RAB11FIP3: variants seen among roughly 807,000 people sequenced by gnomAD.
RAB11FIP3 encodes the protein rab11 family-interacting protein 3.
A neutral mutation model predicts 77.8 loss-of-function variants in RAB11FIP3; 17 were observed. That is an observed-to-expected ratio of 0.22 (90% CI 0.15 to 0.33). RAB11FIP3 has a LOEUF of 0.33. Ranked by LOEUF, RAB11FIP3 falls within the 10% of genes least tolerant of loss-of-function variation. The pLI is 1.00. For missense variants in RAB11FIP3, 1,005 were observed against 1,011.2 expected (o/e 0.99, Z 0.08); for synonymous variants, 437 against 448.2 (o/e 0.98, Z 0.31).
intron 1 of RAB11FIP3, among the ~76,000 whole-genome samples, chr16:427,006 T>G (rs536762191): frequency 1.3e-5 from 2 of 152,070 alleles, no homozygotes; most frequent in South Asian, 4.2e-4. Context: ...GCTCCTCGCC[T>G]GGGGACACCC....
chr16:500,648 A>C (rs1204696601), intron 6 of RAB11FIP3, among the ~76,000 whole-genome samples: 14 of 129,592 alleles, frequency 1.1e-4, no homozygotes, highest in Non-Finnish European at 1.9e-4. Context: ...AGATTGCACC[A>C]CTGCACTCCA....
chr16:466,174 G>C (rs930979731), intron 2 of RAB11FIP3, among the ~76,000 whole-genome samples: 1 of 152,160 alleles, frequency 6.6e-6, no homozygotes, highest in African/African-American at 2.4e-5. Context: ...TGTGACTGAG[G>C]GCAGCCTGCA....
chr16:520,586 T>C lies in RAB11FIP3; in HGVS notation c.2144T>C (p.Val715Ala), dbSNP rs2032640088. ...TCCCTGGCTGCAGAGATCAGCTCCG[T>C]CTCCCGAGATGAGGTAACACATCCC... The part of the protein sequence containing the change: ...SESLAAEISS[V>A]SRDELMEAIQ... Residue 715 changes from valine (V) to alanine (A), a missense_variant, in exon 13 of 14, where the codon GTC (valine) becomes GCC (alanine). Physicochemically the swap from Val to Ala is moderately conservative, Grantham distance 64. Coordinates refer to ENST00000262305, the MANE Select transcript of RAB11FIP3 (RefSeq NM_014700.4). 1 of 1,613,186 alleles carries C rather than the reference T, an allele frequency of 6.2e-7. No homozygotes were observed. Among genetic ancestry groups the C allele is most frequent in the South Asian group, 1.1e-5 (1 of 91,078 alleles).
chr16:502,268 TC>T (rs1202081100), intron 6 of RAB11FIP3, among the ~76,000 whole-genome samples: 2 of 152,262 alleles, frequency 1.3e-5, no homozygotes, highest in African/African-American at 4.8e-5. Flanking sequence ...AAGTTCACAC[TC>T]CCTGGAGAAG....
chr16:490,920 G>C (rs991254960), intron 5 of RAB11FIP3, among the ~76,000 whole-genome samples: 1 of 152,214 alleles, frequency 6.6e-6, no homozygotes, highest in African/African-American at 2.4e-5. Context: ...TGAGGCTCGA[G>C]CTGGTGCCTG....
At chr16:496,510 A>T (rs973778695) in intron 5 of RAB11FIP3, among the ~76,000 whole-genome samples, 2 of 152,218 alleles carry the variant, frequency 1.3e-5, no homozygotes, top group African/African-American at 4.8e-5. Context: ...CTTCAGAAGC[A>T]TTGGGACAGT....
At chr16:478,694 G>A (rs1000823606) in intron 3 of RAB11FIP3, among the ~76,000 whole-genome samples, 1 of 152,162 alleles carries the variant, frequency 6.6e-6, no homozygotes, top group East Asian at 1.9e-4. Context: ...GGCTGGGCAC[G>A]GTGGCTCACG....
chr16:500,775 G>A lies in RAB11FIP3; in HGVS notation c.1302-2229G>A, dbSNP rs544675061. ...CCATGCTGAGGACCCTCTGCCTCAC[G>A]TTGGTGGCCACGTGTGGTGGCTGCA... On this transcript the variant is annotated intron_variant, in intron 6 of 13. Transcript: ENST00000262305. Among the ~76,000 whole-genome samples, 356 of 150,342 alleles carry A rather than the reference G, an allele frequency of 2.4e-3. 6 individuals carry two copies. Among genetic ancestry groups the A allele is most frequent in the African/African-American group, 8.3e-3 (339 of 40,658 alleles).
intron 4 of RAB11FIP3, among the ~76,000 whole-genome samples, chr16:483,299 C>T (rs915321470): frequency 4.6e-5 from 7 of 152,192 alleles, no homozygotes; most frequent in Non-Finnish European, 7.3e-5. Flanking sequence ...ATTAAATTCT[C>T]AGCCTTCAGC....
chr16:472,011 G>A lies in RAB11FIP3; in HGVS notation c.903+622G>A, dbSNP rs1050774030. Among the ~76,000 whole-genome samples the A allele has an allele frequency of 6.6e-6, 1 of 152,214 alleles. No homozygotes were observed. The highest frequency in any genetic ancestry group is 1.5e-5 in the Non-Finnish European group (1 of 68,032). ...TGAACTTGAGCCCTTGGGGGCCGCC[G>A]GGAAGGTGGAGGTGGCAGCCGCCAG... On this transcript the variant is annotated intron_variant, in intron 3 of 13. Transcript: ENST00000262305. The surrounding 1 kb of genome is among the most constrained non-coding windows in gnomAD (Gnocchi z 4.1).
At chr16:459,660 C>T (rs922323314) in intron 1 of RAB11FIP3, among the ~76,000 whole-genome samples, 1 of 151,858 alleles carries the variant, frequency 6.6e-6, no homozygotes, top group Non-Finnish European at 1.5e-5. Context: ...TGGTCTGGAA[C>T]CCCTGACCTT....
Position 426,786 on chromosome 16 carries a change from T to A in RAB11FIP3, c.714+66T>A. On this transcript the variant is annotated intron_variant, in intron 1 of 13. Transcript: ENST00000262305. The surrounding 1 kb of genome is among the most constrained non-coding windows in gnomAD (Gnocchi z 5.0). ...TGCGCGCTGGCCGGCGGGGTTGATG[T>A]GGGACCGGTCGACGCTGCCCCTGGA... The A allele has an allele frequency of 7.5e-7, 1 of 1,332,822 alleles. No homozygotes were observed. 82.6% of individuals were successfully genotyped at this position (1,332,822 alleles called of 1,614,324 possible).
rs114575317 is a variant in RAB11FIP3, at chr16:458,674, A to G, written c.715-2730A>G. Among the ~76,000 whole-genome samples, 476 of 140,302 alleles carry G rather than the reference A, an allele frequency of 3.4e-3. 8 individuals are homozygous for G. The highest frequency in any genetic ancestry group is 0.012 in the African/African-American group (451 of 37,318). 92.0% of individuals were successfully genotyped at this position (140,302 alleles called of 152,430 possible). A position where few individuals can be genotyped will look rare whatever the true frequency, so the allele number is the denominator to read the frequency against. On this transcript the variant is annotated intron_variant, in intron 1 of 13. Transcript: ENST00000262305. ...GTTTTGTCAGTTAATGGATGTGGCTACAGCCAGGGCTCCTGCCAGCCTGTT... is the reference window on the plus strand; with the variant it reads ...GTTTTGTCAGTTAATGGATGTGGCTGCAGCCAGGGCTCCTGCCAGCCTGTT...
At chr16:464,846 CTGCACTCCA>C (rs989588867) in intron 2 of RAB11FIP3, among the ~76,000 whole-genome samples, 7 of 152,208 alleles carry the variant, frequency 4.6e-5, no homozygotes, top group Non-Finnish European at 8.8e-5. Flanking sequence ...GTTTGTGCCA[CTGCACTCCA>C]TGCACTCCAG....
At position 522,245 on chromosome 16, in the gene RAB11FIP3, AATATATATATAT is replaced by A. The variant is rs57161308; in HGVS notation, c.*1423_*1434del. ...AAGAGAAAACTGTGTATACACATGAAATATATATATATATATATATATATATATGTATAATAT... is the reference window on the plus strand; with the variant it reads ...AAGAGAAAACTGTGTATACACATGAAATATATATATATATATGTATAATAT... On this transcript the variant is annotated 3_prime_UTR_variant, in exon 14 of 14. Coordinates refer to ENST00000262305, the MANE Select transcript of RAB11FIP3 (RefSeq NM_014700.4). 1.4e-4 allele frequency: 19 copies of A among 134,688 alleles called. No individual in the cohort carries two copies. Among genetic ancestry groups the A allele is most frequent in the Non-Finnish European group, 2.2e-4 (14 of 62,622 alleles). The allele number at this position is 134,688 out of a possible 1,614,324, so 8.3% of individuals were successfully genotyped here. A position where few individuals can be genotyped will look rare whatever the true frequency, so the allele number is the denominator to read the frequency against.
intron 5 of RAB11FIP3, among the ~76,000 whole-genome samples, chr16:489,992 G>A (rs1008136211): frequency 6.6e-6 from 1 of 152,214 alleles, no homozygotes; most frequent in East Asian, 1.9e-4. Flanking sequence ...TCCTCTCCCA[G>A]CGCGTGGTGG....
intron 5 of RAB11FIP3, among the ~76,000 whole-genome samples, chr16:493,616 CTT>C (rs1304161914): frequency 2.0e-5 from 3 of 151,722 alleles, no homozygotes; most frequent in Non-Finnish European, 4.4e-5. Flanking sequence ...TTTCTTTTTT[CTT>C]TTTTTTGAGA....
chr16:428,171 A>G (rs999010137), intron 1 of RAB11FIP3, among the ~76,000 whole-genome samples: 6 of 152,006 alleles, frequency 3.9e-5, no homozygotes, highest in African/African-American at 1.5e-4. Flanking sequence ...CTGAGTTCAC[A>G]TTAAGAAGAT....
At chr16:462,210 A>G (rs2055619015) in intron 2 of RAB11FIP3, among the ~76,000 whole-genome samples, 1 of 151,966 alleles carries the variant, frequency 6.6e-6, no homozygotes, top group Admixed American at 6.6e-5. Flanking sequence ...ACCATGGATT[A>G]GTTTTGCCTA....
Sources: allele counts gnomAD v4.1 joint callset (sites outside exome capture counted in the v4.1 genomes callset), GRCh38; gene constraint gnomAD v4.1.1; non-coding constraint Gnocchi (gnomAD v3.1); transcripts MANE v1.5; gene names NCBI Gene and HGNC (gene_info 2026-07-23, HGNC 2026-07-21).